Variants in DNAAF9 observed in about 807,000 individuals in gnomAD.
The protein encoded by DNAAF9 is dynein axonemal assembly factor 9.
DNAAF9 carries 90 observed loss-of-function variants against 167.0 expected under a neutral mutation model. That is an observed-to-expected ratio of 0.54 (90% CI 0.45 to 0.64). The LOEUF (loss-of-function observed/expected upper bound fraction) is 0.64. Ranked by LOEUF, DNAAF9 falls within the 30% of genes least tolerant of loss-of-function variation. The pLI is 0.00. For synonymous variants in DNAAF9, 491 were observed against 508.8 expected (o/e 0.96, Z 0.47); for missense variants, 1,315 against 1,442.2 (o/e 0.91, Z 1.43).
intron 1 of DNAAF9, among the ~76,000 whole-genome samples, chr20:3,393,776 T>A (rs1396490019): frequency 2.0e-5 from 3 of 152,232 alleles, no homozygotes; most frequent in African/African-American, 4.8e-5. Flanking sequence ...TGCCAAATTG[T>A]TCTTTTAAAC....
intron 29 of DNAAF9, 91 bp from the exon 30 acceptor site, chr20:3,270,653 T>C: frequency 9.0e-7 from 1 of 1,114,818 alleles, no homozygotes; most frequent in Non-Finnish European, 1.3e-6. Context: ...CATCCCCTAA[T>C]CATGCCTTCC....
chr20:3,300,429 T>G (rs544879559), intron 21 of DNAAF9, among the ~76,000 whole-genome samples: 1 of 152,068 alleles, frequency 6.6e-6, no homozygotes, highest in Admixed American at 6.6e-5. Context: ...ACTTTACTCT[T>G]TTTGATGCTA....
intron 6 of DNAAF9, among the ~76,000 whole-genome samples, chr20:3,367,529 C>T (rs545181158): frequency 6.6e-6 from 1 of 152,296 alleles, no homozygotes; most frequent in African/African-American, 2.4e-5. Context: ...AATTGTGACT[C>T]TTCCTTTCAC....
rs925696782 is a variant in DNAAF9, at chr20:3,251,498, C to T, written c.*1074G>A. ...CATGGGACACACTTGTAATTCCCCTCTGCTTTATGGTCCAGCTTAAAACGA... is the reference window on the plus strand; with the variant it reads ...CATGGGACACACTTGTAATTCCCCTTTGCTTTATGGTCCAGCTTAAAACGA... On this transcript the variant is annotated 3_prime_UTR_variant, in exon 37 of 37. Coordinates refer to ENST00000252032, the MANE Select transcript of DNAAF9 (RefSeq NM_001009984.3). The T allele has an allele frequency of 6.6e-6, 1 of 152,246 alleles. No individual in the cohort carries two copies. Among genetic ancestry groups the T allele is most frequent in the Non-Finnish European group, 1.5e-5 (1 of 68,068 alleles). The allele number at this position is 152,246 out of a possible 1,614,324, so 9.4% of individuals were successfully genotyped here. A position where few individuals can be genotyped will look rare whatever the true frequency, so the allele number is the denominator to read the frequency against.
chr20:3,290,276 G>A, intron 25 of DNAAF9, 59 bp from the exon 26 acceptor site: 1 of 1,110,062 alleles, frequency 9.0e-7, no homozygotes, highest in Non-Finnish European at 1.4e-6. Flanking sequence ...TGTAAGAAGA[G>A]GTTAAGAGAA....
chr20:3,344,371 G>GT (rs1035586281), intron 8 of DNAAF9, among the ~76,000 whole-genome samples: 105 of 151,652 alleles, frequency 6.9e-4, no homozygotes, highest in Admixed American at 1.3e-3. Flanking sequence ...AATATTTACT[G>GT]TTTTTTTTCT....
intron 8 of DNAAF9, among the ~76,000 whole-genome samples, chr20:3,346,898 C>T (rs2070204113): frequency 1.3e-5 from 2 of 152,054 alleles, no homozygotes; most frequent in African/African-American, 4.8e-5. Context: ...AATGTAGAAG[C>T]AAATGGAGTC....
intron 29 of DNAAF9, among the ~76,000 whole-genome samples, chr20:3,271,701 A>G (rs6051703): frequency 6.6e-6 from 1 of 150,748 alleles, no homozygotes; most frequent in Non-Finnish European, 1.5e-5. Flanking sequence ...AGCTCACTAC[A>G]GTCTCCACCT....
intron 3 of DNAAF9, among the ~76,000 whole-genome samples, 153 bp downstream of exon 3, chr20:3,381,226 A>G (rs1316357686): frequency 6.6e-6 from 1 of 152,234 alleles, no homozygotes; most frequent in East Asian, 1.9e-4. Flanking sequence ...CAGCAAAGAA[A>G]AAATGCCGTT....
At chr20:3,355,082 A>G (rs965266702) in intron 7 of DNAAF9, among the ~76,000 whole-genome samples, 1 of 152,136 alleles carries the variant, frequency 6.6e-6, no homozygotes, top group South Asian at 2.1e-4. Flanking sequence ...AGTTGAGGAG[A>G]CTGCATGCAG....
chr20:3,283,949 GA>G (rs2068805649), intron 27 of DNAAF9, among the ~76,000 whole-genome samples: 1 of 151,990 alleles, frequency 6.6e-6, no homozygotes, highest in Admixed American at 6.6e-5. Flanking sequence ...GACTTTAATG[GA>G]AAAAGGTTAG....
chr20:3,395,430 G>A (rs958944669), intron 1 of DNAAF9, among the ~76,000 whole-genome samples: 2 of 151,922 alleles, frequency 1.3e-5, no homozygotes, highest in South Asian at 2.1e-4. Context: ...ACAGATGTGC[G>A]CCACTATGCC....
chr20:3,273,314 T>C (rs2068625043), intron 29 of DNAAF9, among the ~76,000 whole-genome samples: 1 of 152,208 alleles, frequency 6.6e-6, no homozygotes, highest in South Asian at 2.1e-4. Flanking sequence ...TATTCAGTTA[T>C]TGAGGGCGAA....
intron 21 of DNAAF9, 96 bp from the exon 22 acceptor site, chr20:3,298,271 AATT>A: frequency 1.0e-6 from 1 of 966,358 alleles, no homozygotes; most frequent in Non-Finnish European, 1.6e-6. Context: ...ATTTCAGTAC[AATT>A]ATTGTCACAT....
At chr20:3,388,520 T>C (rs377361468) in intron 1 of DNAAF9, among the ~76,000 whole-genome samples, 94 of 152,274 alleles carry the variant, frequency 6.2e-4, no homozygotes, top group African/African-American at 2.2e-3. Flanking sequence ...CCCATCTTCA[T>C]AGAAGCACTA....
rs141511190 is a variant in DNAAF9 at position 3,295,930 on chromosome 20, T to C, written c.2018+931A>G. On this transcript the variant is annotated intron_variant, in intron 23 of 36. Coordinates refer to ENST00000252032, the MANE Select transcript of DNAAF9 (RefSeq NM_001009984.3). ...GTTCTCTCAGTAAACTCAGACATATTTCCCCTGTCTCTGTGATGTTGGGGT... is the reference window on the plus strand; with the variant it reads ...GTTCTCTCAGTAAACTCAGACATATCTCCCCTGTCTCTGTGATGTTGGGGT... The C allele has an allele frequency of 2.8e-3, 4,352 of 1,569,832 alleles. 9 individuals are homozygous for C. Among genetic ancestry groups the C allele is most frequent in the Non-Finnish European group, 3.5e-3 (4,013 of 1,143,044 alleles).
At position 3,249,468 on chromosome 20, in the gene DNAAF9, G is replaced by C. The variant is rs138574922; in HGVS notation, c.*3104C>G. On this transcript the variant is annotated 3_prime_UTR_variant, in exon 37 of 37. Transcript: ENST00000252032. ...AGTAGTGTAATAAATACTATGATAA[G>C]CAAAAAGCTTCAATCGCACAATTCA... 5.9e-5 allele frequency: 9 copies of C among 152,318 alleles called. No homozygotes were observed. The East Asian group carries it at 1.7e-3, about 29-fold the overall frequency. 9.4% of individuals were successfully genotyped at this position (152,318 alleles called of 1,614,324 possible). A position where few individuals can be genotyped will look rare whatever the true frequency, so the allele number is the denominator to read the frequency against.
chr20:3,273,465 G>A (rs552320303), intron 29 of DNAAF9, among the ~76,000 whole-genome samples: 3 of 152,098 alleles, frequency 2.0e-5, no homozygotes, highest in Admixed American at 6.6e-5. Flanking sequence ...CGCTGGCATC[G>A]GCTTCTGGGG....
chr20:3,264,567 C>A, intron 30 of DNAAF9, 43 bp from the exon 31 acceptor site: 6 of 952,468 alleles, frequency 6.3e-6, no homozygotes, highest in South Asian at 1.4e-5. Flanking sequence ...TTAGGACTGT[C>A]AATCTCTTTT....
Sources: allele counts gnomAD v4.1 joint callset (sites outside exome capture counted in the v4.1 genomes callset), GRCh38; gene constraint gnomAD v4.1.1; transcripts MANE v1.5; gene names NCBI Gene and HGNC (gene_info 2026-07-23, HGNC 2026-07-21).